The following GRM5 variants were observed in gnomAD, a reference collection of about 807,000 sequenced individuals.
GRM5 encodes the protein metabotropic glutamate receptor 5.
GRM5 carries 19 observed loss-of-function variants against 83.1 expected under a neutral mutation model. The ratio of observed to expected loss-of-function variants is 0.23; its 90% CI spans 0.16 to 0.34. The LOEUF is 0.34. Ranked by LOEUF, GRM5 falls within the 10% of genes least tolerant of loss-of-function variation. The probability of loss-of-function intolerance (pLI) is 1.00; values close to 1 mark genes in which losing one functional copy is unlikely to be tolerated. For missense variants in GRM5, 1,160 were observed against 1,588.3 expected, an observed-to-expected ratio of 0.73 and a Z score of 4.58; for synonymous variants, 675 against 633.6, an observed-to-expected ratio of 1.07 and a Z score of -0.98.
At chr11:89,008,084 A>G (rs925353306) in intron 2 of GRM5, among the ~76,000 whole-genome samples, 1 of 152,218 alleles carries the variant, frequency 6.6e-6, no homozygotes, top group African/African-American at 2.4e-5. Flanking sequence ...TAATACAATT[A>G]TATGTTTTTT....
chr11:88,889,107 T>G (rs920360013), intron 2 of GRM5, among the ~76,000 whole-genome samples: 2 of 152,180 alleles, frequency 1.3e-5, no homozygotes, highest in African/African-American at 4.8e-5. Context: ...TTACAAAATA[T>G]CTTAAGCACT....
At chr11:88,638,342 A>G (rs1044986165) in intron 4 of GRM5, among the ~76,000 whole-genome samples, 2 of 152,154 alleles carry the variant, frequency 1.3e-5, no homozygotes, top group Non-Finnish European at 2.9e-5. Context: ...ATTAGATTTG[A>G]TTTAAAAAAT....
intron 2 of GRM5, among the ~76,000 whole-genome samples, chr11:88,927,517 C>T (rs948337298): frequency 2.6e-5 from 4 of 152,088 alleles, no homozygotes; most frequent in African/African-American, 9.7e-5. Context: ...TTTTCTACCA[C>T]AAAAGATAGC....
chr11:88,801,593 A>G (rs1263322105), intron 3 of GRM5, among the ~76,000 whole-genome samples: 1 of 152,172 alleles, frequency 6.6e-6, no homozygotes, highest in Admixed American at 6.6e-5. Context: ...GGAACAACTG[A>G]ATCTTAACAA....
rs185518021 is a variant in GRM5 at position 88,796,577 on chromosome 11, C to T, written c.911+53329G>A. On this transcript the variant is annotated intron_variant, in intron 3 of 9. Transcript: ENST00000305447. Reference sequence around the variant, plus strand: ...AGATTTATGATAAAAAAGCCAGGAACAAATGGTAAGGAATGCAATTATTTT... The same window carrying T: ...AGATTTATGATAAAAAAGCCAGGAATAAATGGTAAGGAATGCAATTATTTT... 2.0e-5 allele frequency among the ~76,000 whole-genome samples: 3 copies of T among 152,080 alleles called. No individual in the cohort carries two copies. In the East Asian group the frequency reaches 5.8e-4, roughly 29 times the overall value.
At chr11:88,897,043 C>T (rs954246870) in intron 2 of GRM5, among the ~76,000 whole-genome samples, 1 of 151,756 alleles carries the variant, frequency 6.6e-6, no homozygotes, top group African/African-American at 2.4e-5. Context: ...AACGAACTGC[C>T]CAACTAGTGT....
chr11:88,788,243 C>T (rs1466588843), intron 3 of GRM5, among the ~76,000 whole-genome samples: 1 of 152,098 alleles, frequency 6.6e-6, no homozygotes, highest in African/African-American at 2.4e-5. Context: ...ACCTGACAAA[C>T]CCTTTGGATA....
intron 3 of GRM5, among the ~76,000 whole-genome samples, chr11:88,654,017 C>T (rs996207400): frequency 6.6e-6 from 1 of 152,016 alleles, no homozygotes; most frequent in Non-Finnish European, 1.5e-5. Context: ...TTTTCTATCC[C>T]ATGGAATCTC....
intron 3 of GRM5, among the ~76,000 whole-genome samples, chr11:88,667,489 T>C (rs1940074013): frequency 6.6e-6 from 1 of 152,006 alleles, no homozygotes; most frequent in African/African-American, 2.4e-5. Context: ...GGCAAAGTTA[T>C]TGAAAGTAAA....
chr11:88,902,872 A>C (rs568635091), intron 2 of GRM5, among the ~76,000 whole-genome samples: 1 of 146,866 alleles, frequency 6.8e-6, no homozygotes, highest in Non-Finnish European at 1.5e-5. Context: ...AATCGCTTGA[A>C]TCCAGGAGGC....
At chr11:88,637,498 A>G (rs1939165329) in intron 4 of GRM5, among the ~76,000 whole-genome samples, 1 of 152,160 alleles carries the variant, frequency 6.6e-6, no homozygotes, top group Non-Finnish European at 1.5e-5. Context: ...GGTGAAGGAC[A>G]TCAACAGACA....
At chr11:88,831,224 G>A (rs1034433881) in intron 3 of GRM5, among the ~76,000 whole-genome samples, 2 of 152,216 alleles carry the variant, frequency 1.3e-5, no homozygotes, top group Admixed American at 1.3e-4. Flanking sequence ...ACAGATGGAT[G>A]CTGCTGTCAG....
chr11:88,792,503 A>G (rs1049918023), intron 3 of GRM5, among the ~76,000 whole-genome samples: 12 of 152,136 alleles, frequency 7.9e-5, no homozygotes, highest in Admixed American at 7.9e-4. Context: ...CATGTTTATG[A>G]CAGGACTCCT....
intron 3 of GRM5, among the ~76,000 whole-genome samples, chr11:88,726,959 T>C (rs1272281919): frequency 1.3e-5 from 2 of 152,028 alleles, no homozygotes; most frequent in Non-Finnish European, 2.9e-5. Context: ...AGACCATCAA[T>C]ACTATGAAGA....
chr11:88,684,196 C>T (rs1940564506), intron 3 of GRM5, among the ~76,000 whole-genome samples: 1 of 152,110 alleles, frequency 6.6e-6, no homozygotes, highest in African/African-American at 2.4e-5. Flanking sequence ...TAAGAGATTA[C>T]TTTGAATAGG....
chr11:89,044,441 G>A (rs1013678978), intron 2 of GRM5, among the ~76,000 whole-genome samples: 4 of 152,128 alleles, frequency 2.6e-5, no homozygotes, highest in African/African-American at 9.7e-5. Context: ...CATCGAAGCT[G>A]AAACCCAGTT....
intron 4 of GRM5, among the ~76,000 whole-genome samples, chr11:88,605,275 A>G (rs947140300): frequency 6.6e-6 from 1 of 152,094 alleles, no homozygotes; most frequent in Non-Finnish European, 1.5e-5. Flanking sequence ...CATAAAATGT[A>G]TCTTAAGGAC....
intron 8 of GRM5, among the ~76,000 whole-genome samples, chr11:88,564,582 G>A (rs918603063): frequency 5.3e-5 from 8 of 152,084 alleles, no homozygotes; most frequent in Non-Finnish European, 1.2e-4. Context: ...AAAGTTAATA[G>A]TACAACTAGG....
intron 7 of GRM5, among the ~76,000 whole-genome samples, chr11:88,578,557 A>G (rs1943160911): frequency 6.6e-6 from 1 of 152,190 alleles, no homozygotes; most frequent in African/African-American, 2.4e-5. Context: ...GGCAAGATGA[A>G]AACTGGTTTA....
Sources: allele counts gnomAD v4.1 joint callset (sites outside exome capture counted in the v4.1 genomes callset), GRCh38; gene constraint gnomAD v4.1.1; transcripts MANE v1.5; gene names NCBI Gene and HGNC (gene_info 2026-07-23, HGNC 2026-07-21).